The following COMMD10 variants were observed in gnomAD, a reference collection of about 807,000 sequenced individuals.
COMMD10 encodes the protein COMM domain-containing protein 10.
Under a neutral mutation model 28.9 loss-of-function variants are expected in COMMD10, and 33 were observed. The ratio of observed to expected loss-of-function variants is 1.14; its 90% CI spans 0.87 to 1.53. The LOEUF is 1.53. Ranked by LOEUF, COMMD10 falls within the 40% of genes most tolerant of loss-of-function variation. COMMD10 has a pLI of 0.00. For synonymous variants in COMMD10, 110 were observed against 81.7 expected (o/e 1.35, Z -1.87); for missense variants, 310 against 233.4 (o/e 1.33, Z -2.14).
chr5:116,278,440 C>T (rs80109448), intron 5 of COMMD10, among the ~76,000 whole-genome samples: 3,362 of 151,728 alleles, frequency 0.022, 189 homozygotes, highest in African/African-American at 0.077. Flanking sequence ...GTGATCTGCT[C>T]ATGGATAGCA....
intron 5 of COMMD10, among the ~76,000 whole-genome samples, chr5:116,221,815 G>T (rs1475641610): frequency 6.6e-6 from 1 of 152,142 alleles, no homozygotes; most frequent in African/African-American, 2.4e-5. Flanking sequence ...AGTAAAGATG[G>T]ATTTTTGGAG....
intron 4 of COMMD10, among the ~76,000 whole-genome samples, chr5:116,094,567 G>C (rs941725146): frequency 2.0e-5 from 3 of 152,124 alleles, no homozygotes; most frequent in Non-Finnish European, 4.4e-5. Flanking sequence ...ATATGCTTTT[G>C]GTGGCAATGT....
intron 5 of COMMD10, among the ~76,000 whole-genome samples, chr5:116,282,892 C>A (rs1490042522): frequency 6.6e-6 from 1 of 151,856 alleles, no homozygotes; most frequent in Non-Finnish European, 1.5e-5. Flanking sequence ...ATTTTGAGAA[C>A]ACAGAATTCA....
intron 5 of COMMD10, among the ~76,000 whole-genome samples, chr5:116,183,582 C>G (rs142227344): frequency 0.012 from 1,820 of 152,074 alleles, 22 homozygotes; most frequent in Non-Finnish European, 0.018. Context: ...AAACTTGTAA[C>G]TTTCTTTGTG....
chr5:116,274,884 C>G (rs1348032402), intron 5 of COMMD10, among the ~76,000 whole-genome samples: 2 of 151,770 alleles, frequency 1.3e-5, no homozygotes, highest in African/African-American at 4.9e-5. Context: ...GTCTGTTTTT[C>G]TCCCTCCTGA....
intron 5 of COMMD10, among the ~76,000 whole-genome samples, chr5:116,162,494 A>G (rs1483425435): frequency 3.3e-5 from 5 of 152,210 alleles, no homozygotes. Flanking sequence ...TTAGATTGGC[A>G]TGGCAGTGAC....
intron 5 of COMMD10, among the ~76,000 whole-genome samples, chr5:116,191,625 A>G (rs2112612802): frequency 6.6e-6 from 1 of 151,744 alleles, no homozygotes; most frequent in African/African-American, 2.4e-5. Flanking sequence ...CCCCAACAGC[A>G]GCCACAGCAA....
chr5:116,278,239 C>A (rs538730443), intron 5 of COMMD10, among the ~76,000 whole-genome samples: 6 of 151,790 alleles, frequency 4.0e-5, no homozygotes, highest in African/African-American at 1.5e-4. Flanking sequence ...TCTTTTCAAC[C>A]TAGTTTCTCA....
At chr5:116,209,242 T>G (rs181783483) in intron 5 of COMMD10, among the ~76,000 whole-genome samples, 302 of 152,320 alleles carry the variant, frequency 2.0e-3, no homozygotes, top group Middle Eastern at 6.8e-3. Flanking sequence ...CTGACCTTTA[T>G]AAAAACAAGA....
chr5:116,230,088 A>C (rs934126633), intron 5 of COMMD10, among the ~76,000 whole-genome samples: 1 of 151,836 alleles, frequency 6.6e-6, no homozygotes, highest in Non-Finnish European at 1.5e-5. Flanking sequence ...CATTCTGTCT[A>C]TTTTGCAGTA....
Position 116,255,877 on chromosome 5 carries a change from G to A in COMMD10, c.511-35640G>A, listed in dbSNP as rs1034857931. The A allele has an allele frequency of 8.6e-5, 13 of 151,334 alleles. 1 individual carries two copies. Among genetic ancestry groups the A allele is most frequent in the Admixed American group, 2.6e-4 (4 of 15,162 alleles). 9.4% of individuals were successfully genotyped at this position (151,334 alleles called of 1,614,324 possible). A position where few individuals can be genotyped will look rare whatever the true frequency, so the allele number is the denominator to read the frequency against. On this transcript the variant is annotated intron_variant, in intron 5 of 6. Transcript: ENST00000274458. ...GAAATGTTAGTCTCATTAAGTAGAAGAGAAGAACATAATTCTTATTTTTAA... is the reference window on the plus strand; with the variant it reads ...GAAATGTTAGTCTCATTAAGTAGAAAAGAAGAACATAATTCTTATTTTTAA...
intron 5 of COMMD10, among the ~76,000 whole-genome samples, chr5:116,206,974 T>A (rs1311205269): frequency 7.3e-6 from 1 of 136,750 alleles, no homozygotes; most frequent in African/African-American, 3.4e-5. Flanking sequence ...ACTTCAAAGA[T>A]ACATTCTAAT....
intron 5 of COMMD10, among the ~76,000 whole-genome samples, chr5:116,180,763 G>C (rs1747929808): frequency 6.6e-6 from 1 of 151,944 alleles, no homozygotes; most frequent in South Asian, 2.1e-4. Flanking sequence ...CATTTAGGGG[G>C]ATCGCATATA....
intron 4 of COMMD10, among the ~76,000 whole-genome samples, chr5:116,128,026 C>T (rs534959954): frequency 1.2e-3 from 182 of 152,086 alleles, no homozygotes; most frequent in African/African-American, 4.1e-3. Flanking sequence ...TGTGTCAGTT[C>T]GCAGCATAAA....
chr5:116,260,282 T>C (rs1414190156), intron 5 of COMMD10, among the ~76,000 whole-genome samples: 1 of 145,608 alleles, frequency 6.9e-6, no homozygotes, highest in Admixed American at 6.7e-5. Flanking sequence ...AGAAAGGACA[T>C]TTATTTAGCA....
intron 5 of COMMD10, among the ~76,000 whole-genome samples, chr5:116,271,885 G>A (rs561900711): frequency 4.0e-4 from 60 of 151,832 alleles, no homozygotes; most frequent in African/African-American, 1.5e-3. Flanking sequence ...TGATACAAAT[G>A]AGTTATCTTT....
At chr5:116,192,604 C>T (rs998289020) in intron 5 of COMMD10, among the ~76,000 whole-genome samples, 1 of 151,958 alleles carries the variant, frequency 6.6e-6, no homozygotes, top group South Asian at 2.1e-4. Flanking sequence ...CAAATTAATC[C>T]AATCCAACAA....
At position 116,225,353 on chromosome 5, in the gene COMMD10, G is replaced by GTTTTTTTTTTTTTTTTTTTTTTTTTTT. The variant is rs143964154; in HGVS notation, c.511-66164_511-66163insTTTTTTTTTTTTTTTTTTTTTTTTTTT. 7.7e-5 allele frequency among the ~76,000 whole-genome samples: 9 copies of GTTTTTTTTTTTTTTTTTTTTTTTTTTT among 116,512 alleles called. 4 individuals carry two copies. The highest frequency in any genetic ancestry group is 9.2e-5 in the Admixed American group (1 of 10,912). The allele number at this position is 116,512 out of a possible 152,430, so 76.4% of individuals were successfully genotyped here. On this transcript the variant is annotated intron_variant, in intron 5 of 6. Transcript: ENST00000274458. ...AGACTTTCCTGTTTGTTTTTTTGGG[G>GTTTTTTTTTTTTTTTTTTTTTTTTTTT]ATTTTTTTTTTTTTTTTTGCATATG...
chr5:116,153,139 T>G (rs1004011738), intron 5 of COMMD10, among the ~76,000 whole-genome samples: 1 of 152,132 alleles, frequency 6.6e-6, no homozygotes, highest in Non-Finnish European at 1.5e-5. Context: ...GGCTATATGT[T>G]TCCTAAAAGT....
Sources: allele counts gnomAD v4.1 joint callset (sites outside exome capture counted in the v4.1 genomes callset), GRCh38; gene constraint gnomAD v4.1.1; transcripts MANE v1.5; gene names NCBI Gene and HGNC (gene_info 2026-07-23, HGNC 2026-07-21).